The following PCDHGB3 variants were observed in gnomAD, a reference collection of about 807,000 sequenced individuals.
PCDHGB3 encodes protocadherin gamma-B3.
Under a neutral mutation model 59.2 loss-of-function variants are expected in PCDHGB3, and 40 were observed. That is an observed-to-expected ratio of 0.68 (90% confidence interval 0.52 to 0.88). PCDHGB3 has a LOEUF of 0.88. Among genes scored for constraint, PCDHGB3 ranks in the 40% least tolerant of loss-of-function variants. PCDHGB3 has a pLI of 0.00. For missense variants in PCDHGB3, 1,309 were observed against 1,187.9 expected, an observed-to-expected ratio of 1.10 and a Z score of -1.50; for synonymous variants, 581 against 503.6, an observed-to-expected ratio of 1.15 and a Z score of -2.06.
chr5:141,423,594 C>A, intron 1 of PCDHGB3: 1 of 1,599,308 alleles, frequency 6.3e-7, no homozygotes, highest in South Asian at 1.1e-5. Context: ...GTGAGAAAAG[C>A]GAGCCACTCT....
At chr5:141,414,231 C>T (rs2095722548) in intron 1 of PCDHGB3, 1 of 1,613,304 alleles carries the variant, frequency 6.2e-7, no homozygotes, top group South Asian at 1.1e-5. Flanking sequence ...CAGAGCTGAC[C>T]ATCACGTCTC....
At chr5:141,388,448 C>T in intron 1 of PCDHGB3, 1 of 1,613,760 alleles carries the variant, frequency 6.2e-7, no homozygotes, top group Non-Finnish European at 8.5e-7. Context: ...AATCAGATGG[C>T]AGTAAATACC....
chr5:141,401,342 C>CA (rs929380194), intron 1 of PCDHGB3, among the ~76,000 whole-genome samples: 26 of 150,494 alleles, frequency 1.7e-4, no homozygotes, highest in East Asian at 1.6e-3. Context: ...AACTCCATCT[C>CA]AAAAAAAAGG....
intron 1 of PCDHGB3, among the ~76,000 whole-genome samples, chr5:141,438,793 C>T (rs982191766): frequency 2.7e-5 from 4 of 149,544 alleles, no homozygotes; most frequent in African/African-American, 7.4e-5. Context: ...TCTCCAGTAG[C>T]TGGGATTACA....
chr5:141,492,460 G>T (rs2099740851), intron 1 of PCDHGB3, among the ~76,000 whole-genome samples: 1 of 152,218 alleles, frequency 6.6e-6, no homozygotes, highest in African/African-American at 2.4e-5. Flanking sequence ...GCGCGCCTGA[G>T]GGTCCCAGAT....
rs746046310 is a variant in PCDHGB3, at chr5:141,410,427, A to C, written c.2415+37618A>C. The C allele has an allele frequency of 1.9e-6, 3 of 1,613,714 alleles. No homozygotes were observed. The Admixed American group carries it at 5.0e-5, about 27-fold the overall frequency. On this transcript the variant is annotated intron_variant, in intron 1 of 3. Coordinates refer to ENST00000576222, the MANE Select transcript of PCDHGB3 (RefSeq NM_018924.5). ...AAGTCTGGACCTGTAGTTCCCCCCA[A>C]CTACAGTGAGGGGACTTTGCCTTAT...
chr5:141,423,605 T>G lies in PCDHGB3; in HGVS notation c.2415+50796T>G. The G allele has an allele frequency of 1.6e-5, 26 of 1,612,620 alleles. No individual in the cohort carries two copies. Among genetic ancestry groups the G allele is most frequent in the Non-Finnish European group, 2.0e-5 (24 of 1,179,120 alleles). On this transcript the variant is annotated intron_variant, in intron 1 of 3. Transcript: ENST00000576222. Reference sequence around the variant, plus strand: ...AGCTGTGAGAAAAGCGAGCCACTCTTGATAGCTGAAGACTCAGCTATCATT... The same window carrying G: ...AGCTGTGAGAAAAGCGAGCCACTCTGGATAGCTGAAGACTCAGCTATCATT...
intron 3 of PCDHGB3, among the ~76,000 whole-genome samples, chr5:141,510,553 A>G (rs1471878583): frequency 6.6e-6 from 1 of 152,162 alleles, no homozygotes; most frequent in Non-Finnish European, 1.5e-5. Context: ...TGTTTTGAGC[A>G]CTTACATCTA....
intron 1 of PCDHGB3, chr5:141,409,119 C>A: frequency 6.2e-7 from 1 of 1,613,928 alleles, no homozygotes; most frequent in Non-Finnish European, 8.5e-7. Flanking sequence ...AATAACCAGT[C>A]ATTTGATTTT....
At chr5:141,393,825 G>A (rs2092852640) in intron 1 of PCDHGB3, 10 of 1,613,964 alleles carry the variant, frequency 6.2e-6, no homozygotes, top group Non-Finnish European at 8.5e-6. Context: ...CATTTCGGTG[G>A]AAGATGTAAA....
At chr5:141,502,708 A>G (rs1172090234) in intron 2 of PCDHGB3, among the ~76,000 whole-genome samples, 1 of 152,204 alleles carries the variant, frequency 6.6e-6, no homozygotes, top group Non-Finnish European at 1.5e-5. Flanking sequence ...CTGTTTTTAC[A>G]TCAGTGATTA....
chr5:141,395,363 T>C (rs2093221465), intron 1 of PCDHGB3: 2 of 1,278,044 alleles, frequency 1.6e-6, no homozygotes, highest in Admixed American at 5.9e-5. Context: ...GTTTTGGGTT[T>C]ATTTTGGTGG....
At chr5:141,509,625 G>T (rs915049847) in intron 3 of PCDHGB3, among the ~76,000 whole-genome samples, 1 of 152,186 alleles carries the variant, frequency 6.6e-6, no homozygotes, top group Non-Finnish European at 1.5e-5. Flanking sequence ...AAGTTCCTGG[G>T]TGATGCTGAG....
chr5:141,447,942 T>C (rs1476141059), intron 1 of PCDHGB3, among the ~76,000 whole-genome samples: 2 of 151,740 alleles, frequency 1.3e-5, no homozygotes, highest in African/African-American at 4.8e-5. Context: ...AAAAATTAGC[T>C]GGGCATGGTG....
chr5:141,390,665 TA>T, intron 1 of PCDHGB3: 1 of 192,900 alleles, frequency 5.2e-6, no homozygotes, highest in Non-Finnish European at 1.1e-5. Flanking sequence ...ACCATAAATA[TA>T]AAAATAATAA....
chr5:141,505,546 C>T (rs555460173), intron 3 of PCDHGB3, 65 bp downstream of exon 3: 36 of 1,608,242 alleles, frequency 2.2e-5, no homozygotes, highest in South Asian at 7.7e-5. Context: ...CATCTCACAG[C>T]CACCATGCCC....
Position 141,476,944 on chromosome 5 carries a change from C to T in PCDHGB3, c.2416-17863C>T, listed in dbSNP as rs1360022622. The T allele has an allele frequency of 3.3e-5, 53 of 1,614,072 alleles. No homozygotes were observed. The highest frequency in any genetic ancestry group is 4.1e-5 in the Non-Finnish European group (48 of 1,180,052). ...CAACGGATCTGGATGAAGGCCCCAACGGTGAAATTATTTACTCCTTCGGCA... is the reference window on the plus strand; with the variant it reads ...CAACGGATCTGGATGAAGGCCCCAATGGTGAAATTATTTACTCCTTCGGCA... On this transcript the variant is annotated intron_variant, in intron 1 of 3. Transcript: ENST00000576222. The surrounding 1 kb of genome is among the most constrained non-coding windows in gnomAD (Gnocchi z 7.6).
At chr5:141,404,662 T>G (rs1314002801) in intron 1 of PCDHGB3, 1 of 1,614,208 alleles carries the variant, frequency 6.2e-7, no homozygotes, top group East Asian at 2.2e-5. Flanking sequence ...TCCCCACTGA[T>G]GGTTCTACTG....
intron 1 of PCDHGB3, among the ~76,000 whole-genome samples, chr5:141,492,084 G>C (rs979755390): frequency 2.0e-5 from 3 of 152,236 alleles, no homozygotes; most frequent in African/African-American, 7.2e-5. Flanking sequence ...GCTCCGGCAC[G>C]CTTCGCCGGT....
Sources: gnomAD v4.1 joint callset for allele counts (sites outside exome capture counted in the v4.1 genomes callset) on GRCh38, gnomAD v4.1.1 for gene constraint, Gnocchi (gnomAD v3.1) non-coding constraint, MANE v1.5 for transcripts, NCBI Gene and HGNC (gene_info 2026-07-23, HGNC 2026-07-21) for gene names.